The following SQOR variants were observed in gnomAD, a reference collection of about 807,000 sequenced individuals.
The protein encoded by SQOR is sulfide quinone oxidoreductase.
Under a neutral mutation model 48.6 loss-of-function variants are expected in SQOR, and 39 were observed. The ratio of observed to expected loss-of-function variants is 0.80; its 90% CI spans 0.62 to 1.05. The LOEUF (loss-of-function observed/expected upper bound fraction) is 1.05. Among genes scored for constraint, SQOR ranks in the 50% least tolerant of loss-of-function variants. SQOR has a pLI of 0.00. For synonymous variants in SQOR, 220 were observed against 206.2 expected, an observed-to-expected ratio of 1.07 and a Z score of -0.57; for missense variants, 561 against 559.9, an observed-to-expected ratio of 1.00 and a Z score of -0.02.
intron 1 of SQOR, among the ~76,000 whole-genome samples, chr15:45,655,309 T>C (rs977701980): frequency 2.0e-5 from 3 of 152,288 alleles, no homozygotes; most frequent in Admixed American, 1.3e-4. Context: ...GAGATAGATA[T>C]AGTGTCAGGA....
upstream of SQOR, chr15:45,631,800 G>C (rs1046547487): frequency 1.3e-5 from 2 of 152,170 alleles, no homozygotes; most frequent in African/African-American, 4.8e-5. Flanking sequence ...CTTAGTGCTA[G>C]CTCCTCCTAT....
chr15:45,657,163 A>G (rs1292262035), intron 1 of SQOR, among the ~76,000 whole-genome samples: 2 of 152,054 alleles, frequency 1.3e-5, no homozygotes, highest in African/African-American at 4.8e-5. Flanking sequence ...CTTGTGTTCC[A>G]TATTTTAGTT....
chr15:45,639,172 G>A (rs1274565698), intron 1 of SQOR, among the ~76,000 whole-genome samples: 1 of 152,194 alleles, frequency 6.6e-6, no homozygotes, highest in South Asian at 2.1e-4. Context: ...ATGCAGAAGA[G>A]TCTCCCATGT....
intron 7 of SQOR, among the ~76,000 whole-genome samples, chr15:45,686,513 G>GA (rs1324398494): frequency 2.6e-5 from 4 of 151,894 alleles, no homozygotes; most frequent in Non-Finnish European, 2.9e-5. Context: ...ACCCATTCTA[G>GA]AAAAAAAATC....
chr15:45,636,356 A>G (rs1467692085), intron 1 of SQOR, among the ~76,000 whole-genome samples: 1 of 152,102 alleles, frequency 6.6e-6, no homozygotes, highest in Non-Finnish European at 1.5e-5. Context: ...AATTATTTCA[A>G]GATATAGGTA....
chr15:45,636,641 A>ATACG (rs1239709079), intron 1 of SQOR, among the ~76,000 whole-genome samples: 1 of 151,976 alleles, frequency 6.6e-6, no homozygotes, highest in Admixed American at 6.6e-5. Context: ...TGACCTTGTG[A>ATACG]TACGCCCACC....
At chr15:45,666,461 T>C (rs1474024818) in intron 3 of SQOR, among the ~76,000 whole-genome samples, 1 of 152,170 alleles carries the variant, frequency 6.6e-6, no homozygotes, top group Admixed American at 6.5e-5. Context: ...TGTCTGTTTC[T>C]TCATTTGTAA....
chr15:45,657,322 G>C (rs1889630283), intron 1 of SQOR, among the ~76,000 whole-genome samples: 1 of 151,274 alleles, frequency 6.6e-6, no homozygotes, highest in African/African-American at 2.4e-5. Flanking sequence ...CCAATTAGTA[G>C]AGGGGTGACC....
chr15:45,675,106 C>A (rs948372598), intron 5 of SQOR, among the ~76,000 whole-genome samples: 2 of 152,120 alleles, frequency 1.3e-5, no homozygotes, highest in Non-Finnish European at 2.9e-5. Flanking sequence ...AGACACTTAC[C>A]CACCTGAATT....
At chr15:45,688,493 T>C in intron 8 of SQOR, 89 bp downstream of exon 8, 2 of 990,762 alleles carry the variant, frequency 2.0e-6, no homozygotes, top group Non-Finnish European at 2.9e-6. Context: ...GCACTTTCTG[T>C]CTTTTCTTTT....
intron 1 of SQOR, among the ~76,000 whole-genome samples, chr15:45,642,550 A>G (rs1895123252): frequency 6.6e-6 from 1 of 152,150 alleles, no homozygotes; most frequent in Non-Finnish European, 1.5e-5. Context: ...TCTGGGAATA[A>G]GCTCTCAGAC....
upstream of SQOR, among the ~76,000 whole-genome samples, chr15:45,634,529 G>A (rs1026193048): frequency 2.0e-5 from 3 of 152,004 alleles, no homozygotes; most frequent in Admixed American, 2.0e-4. Context: ...TGAAGGAAGG[G>A]CTCCAGCGCA....
chr15:45,636,838 T>C (rs1361102232), intron 1 of SQOR, among the ~76,000 whole-genome samples: 1 of 152,184 alleles, frequency 6.6e-6, no homozygotes, highest in Non-Finnish European at 1.5e-5. Context: ...ATATTAAATA[T>C]CCGTAAAAAT....
At chr15:45,689,413 C>T in intron 9 of SQOR, 196 bp downstream of exon 9, 1 of 437,470 alleles carries the variant, frequency 2.3e-6, no homozygotes, top group Non-Finnish European at 4.0e-6. Context: ...CATCTGCTAC[C>T]TTACTTTTTT....
chr15:45,641,289 G>A (rs1456200219), intron 1 of SQOR, among the ~76,000 whole-genome samples: 1 of 152,190 alleles, frequency 6.6e-6, no homozygotes, highest in Non-Finnish European at 1.5e-5. Flanking sequence ...AGCAAAGGGA[G>A]CCACTGTTTC....
At chr15:45,689,011 TC>T (rs1430035693) in intron 8 of SQOR, 27 bp from the exon 9 acceptor site, 17 of 1,606,114 alleles carry the variant, frequency 1.1e-5, no homozygotes, top group Non-Finnish European at 1.4e-5. Flanking sequence ...AAATCTACTT[TC>T]CAACTCAGTC....
upstream of SQOR, among the ~76,000 whole-genome samples, chr15:45,633,977 C>T (rs1894947096): frequency 6.6e-6 from 1 of 150,894 alleles, no homozygotes; most frequent in South Asian, 2.1e-4. Context: ...GAGTTTGAGA[C>T]CAGCTTGGCC....
Position 45,682,639 on chromosome 15 carries a change from G to A in SQOR, c.1026G>A (p.Thr342=), listed in dbSNP as rs777381603. ...TTGGGGACTGCACCAACCTTCCTACGTCAAAGACCGCTGCTGCAGTAGGTA... is the reference window on the plus strand; with the variant it reads ...TTGGGGACTGCACCAACCTTCCTACATCAAAGACCGCTGCTGCAGTAGGTA... ...FGIGDCTNLP[T]SKTAAAVAAQ... Residue 342 remains threonine, a synonymous_variant, in exon 7 of 10, where the codon ACG becomes ACA. Coordinates refer to ENST00000260324, the MANE Select transcript of SQOR (RefSeq NM_021199.4). 15 of 1,614,030 alleles carry A rather than the reference G, an allele frequency of 9.3e-6. No individual in the cohort carries two copies. In the Admixed American group the frequency reaches 1.2e-4, roughly 13 times the overall value.
intron 6 of SQOR, 70 bp from the exon 7 acceptor site, chr15:45,682,408 T>C: frequency 6.5e-7 from 1 of 1,533,924 alleles, no homozygotes; most frequent in Non-Finnish European, 8.9e-7. Flanking sequence ...GTAAGGAAGG[T>C]AGGGGGAGAG....
Sources: allele counts gnomAD v4.1 joint callset (sites outside exome capture counted in the v4.1 genomes callset), GRCh38; gene constraint gnomAD v4.1.1; transcripts MANE v1.5; gene names NCBI Gene and HGNC (gene_info 2026-07-23, HGNC 2026-07-21).